The following NUCB2 variants were observed in gnomAD, a reference collection of about 807,000 sequenced individuals.
The protein encoded by NUCB2 is nucleobindin 2.
A neutral mutation model predicts 57.9 loss-of-function variants in NUCB2; 48 were observed. That is an observed-to-expected ratio of 0.83 (90% CI 0.66 to 1.05). The LOEUF (loss-of-function observed/expected upper bound fraction) is 1.05. NUCB2 is among the 50% of genes least tolerant of loss of function. The pLI, the probability that NUCB2 is intolerant of heterozygous loss-of-function variation, is 0.00. For synonymous variants in NUCB2, 139 were observed against 152.1 expected, an observed-to-expected ratio of 0.91 and a Z score of 0.64; for missense variants, 442 against 476.2, an observed-to-expected ratio of 0.93 and a Z score of 0.67.
At chr11:17,320,420 A>G (rs1462406685) in intron 11 of NUCB2, among the ~76,000 whole-genome samples, 2 of 152,198 alleles carry the variant, frequency 1.3e-5, no homozygotes, top group African/African-American at 4.8e-5. Context: ...CTGTAATCTC[A>G]GCACTTTGGG....
Position 17,302,356 on chromosome 11 carries a change from A to G in NUCB2, c.379+486A>G, listed in dbSNP as rs188839650. ...TTTTATATCATTCAAAAATCAGTAT[A>G]ATAAGCCATAATTATAGCAATGAAA... On this transcript the variant is annotated intron_variant, in intron 5 of 13. Coordinates refer to ENST00000529010, the MANE Select transcript of NUCB2 (RefSeq NM_005013.4). Among the ~76,000 whole-genome samples, 11 of 152,286 alleles carry G rather than the reference A, an allele frequency of 7.2e-5. No homozygotes were observed. In the East Asian group the frequency reaches 1.2e-3, roughly 16 times the overall value.
downstream of NUCB2, chr11:17,333,997 C>T (rs1319817412): frequency 1.3e-5 from 2 of 152,232 alleles, no homozygotes; most frequent in East Asian, 1.9e-4. Context: ...CTACCACCTT[C>T]GTCTCTGTGG....
downstream of NUCB2, among the ~76,000 whole-genome samples, chr11:17,335,708 G>A (rs965673042): frequency 3.3e-5 from 5 of 152,246 alleles, no homozygotes; most frequent in Admixed American, 6.5e-5. Flanking sequence ...CACCATATTG[G>A]TCAGGCTGGC....
chr11:17,334,478 CAAGT>C (rs999095467), downstream of NUCB2: 6 of 152,364 alleles, frequency 3.9e-5, no homozygotes, highest in East Asian at 9.6e-4. Context: ...GTAAAAGTCT[CAAGT>C]GAGTGAATCT....
chr11:17,312,695 A>G (rs11024250), intron 10 of NUCB2, among the ~76,000 whole-genome samples: 35,727 of 150,002 alleles, frequency 0.24, 4,938 homozygotes, highest in East Asian at 0.51. Flanking sequence ...GATTACAGGC[A>G]TGAGCCACTG....
chr11:17,304,497 C>A (rs867223276), intron 5 of NUCB2, among the ~76,000 whole-genome samples: 1 of 151,776 alleles, frequency 6.6e-6, no homozygotes, highest in Non-Finnish European at 1.5e-5. Context: ...CCTGATCTAG[C>A]CAAAACATTC....
At chr11:17,277,530 G>A (rs1024316459) in intron 1 of NUCB2, among the ~76,000 whole-genome samples, 1 of 151,626 alleles carries the variant, frequency 6.6e-6, no homozygotes, top group Non-Finnish European at 1.5e-5. Flanking sequence ...AGAATATGAG[G>A]GAATGAGAAT....
chr11:17,334,495 T>C (rs1293094736), downstream of NUCB2: 1 of 152,242 alleles, frequency 6.6e-6, no homozygotes, highest in Non-Finnish European at 1.5e-5. Flanking sequence ...GTGAATCTGA[T>C]GGACTGGACC....
intron 2 of NUCB2, among the ~76,000 whole-genome samples, chr11:17,284,036 T>G (rs1337444138): frequency 6.6e-6 from 1 of 152,074 alleles, no homozygotes; most frequent in Non-Finnish European, 1.5e-5. Context: ...CAGACTTTTA[T>G]TTTTTTTGTT....
intron 6 of NUCB2, 45 bp downstream of exon 6, chr11:17,309,720 G>A: frequency 1.6e-6 from 2 of 1,222,542 alleles, no homozygotes; most frequent in Non-Finnish European, 2.3e-6. Flanking sequence ...TGCCTTTGAG[G>A]TTTTGTAATT....
At chr11:17,299,354 A>G (rs1006865741) in intron 4 of NUCB2, among the ~76,000 whole-genome samples, 1 of 152,064 alleles carries the variant, frequency 6.6e-6, no homozygotes, top group African/African-American at 2.4e-5. Flanking sequence ...CATTTTGACA[A>G]CCATTGTTTT....
At chr11:17,296,281 C>A in intron 4 of NUCB2, 70 bp downstream of exon 4, 1 of 831,118 alleles carries the variant, frequency 1.2e-6, no homozygotes, top group Non-Finnish European at 1.8e-6. Context: ...TGAGGTCTCA[C>A]CATATAACCC....
intron 2 of NUCB2, among the ~76,000 whole-genome samples, chr11:17,341,203 A>G (rs997781983): frequency 7.9e-5 from 12 of 152,302 alleles, no homozygotes; most frequent in African/African-American, 2.9e-4. Context: ...TATCAGCTTA[A>G]GGAGATTTTG....
intron 10 of NUCB2, among the ~76,000 whole-genome samples, chr11:17,312,958 C>T (rs992999039): frequency 1.1e-4 from 17 of 151,320 alleles, no homozygotes; most frequent in East Asian, 5.9e-4. Context: ...CCACCCACTT[C>T]GGCCTCCCAA....
chr11:17,335,725 C>T (rs1183677130), downstream of NUCB2, among the ~76,000 whole-genome samples: 1 of 152,182 alleles, frequency 6.6e-6, no homozygotes, highest in Non-Finnish European at 1.5e-5. Flanking sequence ...TGGCCTTGAA[C>T]TCCTGACCTC....
chr11:17,277,648 C>T (rs1164508325), intron 1 of NUCB2, among the ~76,000 whole-genome samples: 1 of 152,174 alleles, frequency 6.6e-6, no homozygotes, highest in Non-Finnish European at 1.5e-5. Flanking sequence ...TAAGCTAGTG[C>T]TACCATTTAA....
chr11:17,304,780 A>T (rs1267093549), intron 5 of NUCB2, among the ~76,000 whole-genome samples: 1 of 152,170 alleles, frequency 6.6e-6, no homozygotes, highest in Non-Finnish European at 1.5e-5. Flanking sequence ...ACAAAGATAA[A>T]ATGTCCAGAA....
chr11:17,283,256 A>G lies in NUCB2; in HGVS notation c.-1+313A>G, dbSNP rs115039552. Reference sequence around the variant, plus strand: ...ATCACTGTCATGTTCCAGGCAGCAAAGCATAGGCGAAGAAAGATGCATCCT... The same window carrying G: ...ATCACTGTCATGTTCCAGGCAGCAAGGCATAGGCGAAGAAAGATGCATCCT... On this transcript the variant is annotated intron_variant, in intron 2 of 13. Transcript: ENST00000529010. Among the ~76,000 whole-genome samples, 1,109 of 152,294 alleles carry G rather than the reference A, an allele frequency of 7.3e-3. 9 individuals carry two copies. Among genetic ancestry groups the G allele is most frequent in the African/African-American group, 0.026 (1,072 of 41,550 alleles).
chr11:17,320,523 G>A (rs1197904391), intron 11 of NUCB2, among the ~76,000 whole-genome samples: 1 of 152,028 alleles, frequency 6.6e-6, no homozygotes, highest in Non-Finnish European at 1.5e-5. Flanking sequence ...CGGGAGTGGT[G>A]GTGCACTCCT....
Sources: allele counts gnomAD v4.1 joint callset (sites outside exome capture counted in the v4.1 genomes callset), GRCh38; gene constraint gnomAD v4.1.1; transcripts MANE v1.5; gene names NCBI Gene and HGNC (gene_info 2026-07-23, HGNC 2026-07-21).